Variants in ODR4 observed in about 807,000 individuals in gnomAD.
The protein encoded by ODR4 is protein odr-4 homolog.
ODR4 carries 47 observed loss-of-function variants against 60.2 expected under a neutral mutation model. The observed-to-expected ratio is 0.78, with a 90% confidence interval of 0.62 to 1.00. The LOEUF (loss-of-function observed/expected upper bound fraction) is 1.00. Ranked by LOEUF, ODR4 falls within the 50% of genes least tolerant of loss-of-function variation. The pLI, the probability that ODR4 is intolerant of heterozygous loss-of-function variation, is 0.00. For synonymous variants in ODR4, 178 were observed against 175.5 expected (o/e 1.01, Z -0.11); for missense variants, 488 against 530.8 (o/e 0.92, Z 0.79).
chr1:186,428,067 T>C, the ODR4 span, among the ~76,000 whole-genome samples: 1 of 152,220 alleles, frequency 6.6e-6, no homozygotes, highest in African/African-American at 2.4e-5. Flanking sequence ...GAGCTTTGGC[T>C]TCAACTTAAA....
intron 12 of ODR4, among the ~76,000 whole-genome samples, chr1:186,407,282 A>G (rs2102074073): frequency 6.6e-6 from 1 of 152,278 alleles, no homozygotes; most frequent in African/African-American, 2.4e-5. Context: ...AATATTTCTA[A>G]AGATATAACT....
Position 186,406,278 on chromosome 1 carries a change from T to A in ODR4, c.1186+10T>A. On this transcript the variant is annotated intron_variant, in intron 12 of 13. Transcript: ENST00000287859. ...GAGGAAACAAACACAGGTCATTATA[T>A]GATGCTATTTAAGAACCTGGTTAGA... 2 of 1,565,050 alleles carry A rather than the reference T, an allele frequency of 1.3e-6. No homozygotes were observed. Among genetic ancestry groups the A allele is most frequent in the Non-Finnish European group, 1.7e-6 (2 of 1,156,102 alleles).
chr1:186,402,231 T>TTTCTTTCTTTCTTTCTTTCTTTCC (rs1459855696), intron 11 of ODR4, among the ~76,000 whole-genome samples: 67 of 149,558 alleles, frequency 4.5e-4, no homozygotes, highest in African/African-American at 1.5e-3. Context: ...TCTTTCTTTC[T>TTTCTTTCTTTCTTTCTTTCTTTCC]TTCCTTTCTT....
Position 186,418,684 on chromosome 1 carries a change from T to A in ODR4, c.1298-325T>A, listed in dbSNP as rs528273640. On this transcript the variant is annotated intron_variant, in intron 13 of 13. Coordinates refer to ENST00000287859, the MANE Select transcript of ODR4 (RefSeq NM_017847.6). ...CCGTTTTCTTTTAACCTACGTAGCATAAGACAGCTGGTATGCCAATATAAA... is the reference window on the plus strand; with the variant it reads ...CCGTTTTCTTTTAACCTACGTAGCAAAAGACAGCTGGTATGCCAATATAAA... Among the ~76,000 whole-genome samples, 333 of 152,338 alleles carry A rather than the reference T, an allele frequency of 2.2e-3. 1 individual carries two copies. The highest frequency in any genetic ancestry group is 3.8e-3 in the Non-Finnish European group (260 of 68,030).
At chr1:186,394,627 C>T (rs2102045079) in intron 9 of ODR4, among the ~76,000 whole-genome samples, 1 of 152,136 alleles carries the variant, frequency 6.6e-6, no homozygotes, top group East Asian at 1.9e-4. Context: ...AAATAGCAAA[C>T]GCGTGTTTGT....
chr1:186,431,506 A>T, the ODR4 span, among the ~76,000 whole-genome samples: 1 of 152,220 alleles, frequency 6.6e-6, no homozygotes, highest in Non-Finnish European at 1.5e-5. Context: ...TAGTTTAATG[A>T]TGGCCACAAA....
chr1:186,382,608 C>T (rs1660083103), intron 2 of ODR4, among the ~76,000 whole-genome samples: 1 of 152,196 alleles, frequency 6.6e-6, no homozygotes, highest in South Asian at 2.1e-4. Context: ...CAAAAGGTCA[C>T]TTGTTGTTTC....
At chr1:186,411,484 C>A (rs1661380814) in intron 12 of ODR4, among the ~76,000 whole-genome samples, 1 of 151,918 alleles carries the variant, frequency 6.6e-6, no homozygotes, top group Non-Finnish European at 1.5e-5. Flanking sequence ...TATACTTTAT[C>A]CATTATTGTC....
Position 186,417,637 on chromosome 1 carries a change from A to G in ODR4, c.1280A>G (p.Lys427Arg). 1 of 1,571,216 alleles carries G rather than the reference A, an allele frequency of 6.4e-7. No homozygotes were observed. Among genetic ancestry groups the G allele is most frequent in the South Asian group, 1.1e-5 (1 of 87,124 alleles). The change falls in exon 13 of 14, where the codon AAA (lysine) becomes AGA (arginine). Residue 427 changes from lysine to arginine, a missense_variant. Transcript: ENST00000287859. ...CCAATTAAAACTACAATGTTATTGA[A>G]AATTCAGCAAAACATAGGTATTTAA... ...KQPIKTTMLL[K>R]IQQNIGVIAA...
intron 10 of ODR4, among the ~76,000 whole-genome samples, 163 bp from the exon 11 acceptor site, chr1:186,398,791 T>C (rs1179824980): frequency 1.3e-5 from 2 of 152,238 alleles, no homozygotes; most frequent in East Asian, 3.8e-4. Context: ...ATAAATTTGT[T>C]AATAAGTGTG....
chr1:186,418,352 G>T (rs865841411), intron 13 of ODR4, among the ~76,000 whole-genome samples: 1 of 146,116 alleles, frequency 6.8e-6, no homozygotes, highest in Non-Finnish European at 1.5e-5. Flanking sequence ...GTGCAGTGGC[G>T]CAATCTCGGC....
intron 9 of ODR4, among the ~76,000 whole-genome samples, 197 bp downstream of exon 9, chr1:186,394,212 A>AT (rs1660582880): frequency 6.6e-6 from 1 of 152,194 alleles, no homozygotes; most frequent in South Asian, 2.1e-4. Flanking sequence ...CCTCAAGGAT[A>AT]TTAAAATTTT....
Position 186,390,878 on chromosome 1 carries a change from A to G in ODR4, c.615+27A>G, listed in dbSNP as rs1660443954. On this transcript the variant is annotated intron_variant, in intron 7 of 13. Transcript: ENST00000287859. Reference sequence around the variant, plus strand: ...TACCAGGGTAAAATGAATTTTCTTCAGTGATTGCTGAGTGAACAATCTGCT... The same window carrying G: ...TACCAGGGTAAAATGAATTTTCTTCGGTGATTGCTGAGTGAACAATCTGCT... The G allele has an allele frequency of 1.9e-6, 3 of 1,592,262 alleles. No individual in the cohort carries two copies. The Admixed American group carries it at 5.2e-5, about 28-fold the overall frequency.
rs192495472 is a variant in ODR4, at chr1:186,419,301, G to A, written c.*225G>A. The stretch of plus-strand genomic sequence containing the variant: ...TTCCAGAAATAACGTTATGCATCTA[G>A]ATGGAAGCTGCATGTAACAAATCAT... On this transcript the variant is annotated 3_prime_UTR_variant, in exon 14 of 14. Transcript: ENST00000287859. The A allele has an allele frequency of 5.3e-5, 29 of 543,856 alleles. No individual in the cohort carries two copies. The Admixed American group carries it at 7.3e-4, about 14-fold the overall frequency. The allele number at this position is 543,856 out of a possible 1,614,324, so 33.7% of individuals were successfully genotyped here.
downstream of ODR4, among the ~76,000 whole-genome samples, chr1:186,422,449 A>G (rs1307772263): frequency 6.6e-6 from 1 of 152,210 alleles, no homozygotes; most frequent in Non-Finnish European, 1.5e-5. Flanking sequence ...TACTGATTCA[A>G]TAAACATTTA....
At chr1:186,386,870 GT>G (rs1660270661) in intron 4 of ODR4, among the ~76,000 whole-genome samples, 1 of 152,118 alleles carries the variant, frequency 6.6e-6, no homozygotes, top group Admixed American at 6.6e-5. Context: ...AATCTCCTGT[GT>G]TTTTTGCTTA....
At chr1:186,386,777 C>T (rs1229432703) in intron 4 of ODR4, among the ~76,000 whole-genome samples, 1 of 152,130 alleles carries the variant, frequency 6.6e-6, no homozygotes, top group African/African-American at 2.4e-5. Context: ...TGCTGAAATT[C>T]TTTACCTTCT....
intron 11 of ODR4, among the ~76,000 whole-genome samples, chr1:186,402,035 G>A (rs1410632261): frequency 6.6e-6 from 1 of 151,914 alleles, no homozygotes; most frequent in African/African-American, 2.4e-5. Context: ...TTATCAGTCT[G>A]TTCAGGTTTT....
At chr1:186,381,631 G>T (rs1435437944) in intron 2 of ODR4, among the ~76,000 whole-genome samples, 1 of 152,062 alleles carries the variant, frequency 6.6e-6, no homozygotes, top group African/African-American at 2.4e-5. Context: ...CCGGCCTAAG[G>T]CCTTCCTTCT....
Sources: gnomAD v4.1 joint callset for allele counts (sites outside exome capture counted in the v4.1 genomes callset) on GRCh38, gnomAD v4.1.1 for gene constraint, MANE v1.5 for transcripts, NCBI Gene and HGNC (gene_info 2026-07-23, HGNC 2026-07-21) for gene names.